Variants in ARMC2 observed in about 807,000 individuals in gnomAD.
ARMC2 encodes the protein armadillo repeat-containing protein 2.
ARMC2 carries 67 observed loss-of-function variants against 90.3 expected under a neutral mutation model. The observed-to-expected ratio is 0.74, with a 90% confidence interval of 0.61 to 0.91. ARMC2 has a LOEUF of 0.91. Among genes scored for constraint, ARMC2 ranks in the 40% least tolerant of loss-of-function variants. ARMC2 has a pLI of 0.00. For missense variants in ARMC2, 920 were observed against 1,030.9 expected, an observed-to-expected ratio of 0.89 and a Z score of 1.47; for synonymous variants, 393 against 393.0, an observed-to-expected ratio of 1.00 and a Z score of 0.00.
the ARMC2 span, among the ~76,000 whole-genome samples, chr6:109,006,084 C>T: frequency 1.6e-4 from 24 of 152,298 alleles, no homozygotes; most frequent in South Asian, 4.6e-3. Flanking sequence ...GCAGCAGCAG[C>T]AGCTAACACA....
chr6:108,930,285 G>T (rs995253356), intron 11 of ARMC2, among the ~76,000 whole-genome samples: 12 of 151,956 alleles, frequency 7.9e-5, no homozygotes, highest in Non-Finnish European at 1.3e-4. Flanking sequence ...ATGAACATTA[G>T]GACTAGGAGT....
rs184852562 is a variant in ARMC2 at position 108,887,855 on chromosome 6, G to A, written c.672-6612G>A. On this transcript the variant is annotated intron_variant, in intron 5 of 17. Transcript: ENST00000392644. ...GGAAGAACAATTTTGCTGGATGACT[G>A]AATCAAGATCCAAAAACATCTGATA... Among the ~76,000 whole-genome samples the A allele has an allele frequency of 3.3e-5, 5 of 152,266 alleles. No homozygotes were observed. In the East Asian group the frequency reaches 7.7e-4, roughly 23 times the overall value.
intron 8 of ARMC2, among the ~76,000 whole-genome samples, chr6:108,906,225 A>G (rs187149141): frequency 3.3e-5 from 5 of 152,166 alleles, no homozygotes; most frequent in Non-Finnish European, 4.4e-5. Flanking sequence ...TTAAAGGAGT[A>G]CAAACAAATA....
chr6:109,006,174 A>C, the ARMC2 span, among the ~76,000 whole-genome samples: 1 of 152,228 alleles, frequency 6.6e-6, no homozygotes, highest in African/African-American at 2.4e-5. Context: ...GTTTAGAAAG[A>C]GTATTTGGTG....
At chr6:108,866,038 AG>A (rs943490248) in intron 3 of ARMC2, among the ~76,000 whole-genome samples, 1 of 150,248 alleles carries the variant, frequency 6.7e-6, no homozygotes, top group Non-Finnish European at 1.5e-5. Flanking sequence ...AAAAAAAAAA[AG>A]ATCTCTCATT....
the ARMC2 span, chr6:108,998,758 T>TA: frequency 6.3e-7 from 1 of 1,596,296 alleles, no homozygotes; most frequent in South Asian, 1.1e-5. Flanking sequence ...AAAAGTCCCT[T>TA]AGGGGGAAAA....
At chr6:109,001,105 CTTCT>C in the ARMC2 span, among the ~76,000 whole-genome samples, 1 of 152,098 alleles carries the variant, frequency 6.6e-6, no homozygotes, top group African/African-American at 2.4e-5. Flanking sequence ...TAAATACTTG[CTTCT>C]TTTTCTGTTA....
chr6:108,974,444 T>C lies in ARMC2; in HGVS notation c.*930T>C, dbSNP rs913008968. 6.6e-6 allele frequency: 1 copy of C among 152,076 alleles called. No homozygotes were observed. The highest frequency in any genetic ancestry group is 6.5e-5 in the Admixed American group (1 of 15,274). The allele number at this position is 152,076 out of a possible 1,614,324, so 9.4% of individuals were successfully genotyped here. A position where few individuals can be genotyped will look rare whatever the true frequency, so the allele number is the denominator to read the frequency against. The stretch of plus-strand genomic sequence containing the variant: ...AGCTTGCCATCCTTTGTAGGATGAG[T>C]TTGGCCTTTGAATAAATGATTAAAG... On this transcript the variant is annotated 3_prime_UTR_variant, in exon 18 of 18. Coordinates refer to ENST00000392644, the MANE Select transcript of ARMC2 (RefSeq NM_032131.6).
intron 12 of ARMC2, among the ~76,000 whole-genome samples, chr6:108,938,415 ATT>A (rs34837816): frequency 0.38 from 54,110 of 141,336 alleles, 10,390 homozygotes; most frequent in East Asian, 0.58. Flanking sequence ...CACCTGGCTA[ATT>A]TTTTTTTTTT....
chr6:108,939,674 T>C (rs1405247653), intron 12 of ARMC2, among the ~76,000 whole-genome samples: 2 of 152,184 alleles, frequency 1.3e-5, no homozygotes, highest in Non-Finnish European at 2.9e-5. Flanking sequence ...TATTTATTTG[T>C]AGCAATGCAA....
At chr6:108,985,668 ACT>A in the ARMC2 span, among the ~76,000 whole-genome samples, 3 of 152,114 alleles carry the variant, frequency 2.0e-5, no homozygotes, top group African/African-American at 7.2e-5. Flanking sequence ...TTTTGTGATC[ACT>A]CTACTGCTGA....
chr6:108,863,595 A>G (rs1001648422), intron 3 of ARMC2, among the ~76,000 whole-genome samples: 2 of 152,194 alleles, frequency 1.3e-5, no homozygotes, highest in African/African-American at 4.8e-5. Context: ...TTTGAATTGT[A>G]TAAAGTCAGA....
chr6:108,963,290 TA>T (rs1041001136), intron 15 of ARMC2, among the ~76,000 whole-genome samples: 1 of 152,224 alleles, frequency 6.6e-6, no homozygotes, highest in African/African-American at 2.4e-5. Flanking sequence ...ACAATAATTT[TA>T]AAAACATAAC....
intron 13 of ARMC2, 75 bp from the exon 14 acceptor site, chr6:108,961,497 G>A: frequency 6.8e-7 from 1 of 1,468,652 alleles, no homozygotes; most frequent in Non-Finnish European, 9.1e-7. Context: ...TGGCCCTGCT[G>A]TTGCTGTAGT....
intron 12 of ARMC2, among the ~76,000 whole-genome samples, chr6:108,949,943 C>T (rs185324964): frequency 2.1e-4 from 32 of 152,312 alleles, no homozygotes; most frequent in Admixed American, 1.8e-3. Context: ...CAGTGGCTCA[C>T]GCCTGTAATT....
chr6:108,966,575 G>A (rs1460445835), intron 17 of ARMC2, among the ~76,000 whole-genome samples: 1 of 152,100 alleles, frequency 6.6e-6, no homozygotes, highest in Non-Finnish European at 1.5e-5. Context: ...GTTTTTCCAG[G>A]TAAATATAAT....
At chr6:108,998,764 G>GAAAA in the ARMC2 span, 2 of 1,169,498 alleles carry the variant, frequency 1.7e-6, no homozygotes, top group Admixed American at 2.4e-5. Flanking sequence ...CCCTTAGGGG[G>GAAAA]AAAAAAAAAA....
chr6:108,926,020 A>G (rs1007376271), intron 10 of ARMC2, among the ~76,000 whole-genome samples: 3 of 152,172 alleles, frequency 2.0e-5, no homozygotes, highest in African/African-American at 4.8e-5. Context: ...AGGAGAAAAA[A>G]TTGAGATTGA....
intron 1 of ARMC2, among the ~76,000 whole-genome samples, chr6:108,850,796 CAG>C (rs573427507): frequency 1.8e-3 from 280 of 152,230 alleles, no homozygotes; most frequent in Non-Finnish European, 2.6e-3. Flanking sequence ...ACGGTTGGGG[CAG>C]AGAGTCTCGG....
Sources: allele counts gnomAD v4.1 joint callset (sites outside exome capture counted in the v4.1 genomes callset), GRCh38; gene constraint gnomAD v4.1.1; transcripts MANE v1.5; gene names NCBI Gene and HGNC (gene_info 2026-07-23, HGNC 2026-07-21).